The following PITPNC1 variants were observed in gnomAD, a reference collection of about 807,000 sequenced individuals.
PITPNC1 encodes phosphatidylinositol transfer protein cytoplasmic 1, also known as cytoplasmic phosphatidylinositol transfer protein 1.
Under a neutral mutation model 44.7 loss-of-function variants are expected in PITPNC1, and 18 were observed. That is an observed-to-expected ratio of 0.40 (90% CI 0.28 to 0.60). PITPNC1 has a LOEUF of 0.60. PITPNC1 is among the 20% of genes least tolerant of loss of function. The pLI, the probability that PITPNC1 is intolerant of heterozygous loss-of-function variation, is 0.39. For missense variants in PITPNC1, 290 were observed against 418.4 expected (o/e 0.69, Z 2.68); for synonymous variants, 141 against 149.6 (o/e 0.94, Z 0.42).
chr17:67,640,090 T>C (rs2706684), intron 6 of PITPNC1, among the ~76,000 whole-genome samples: 23,399 of 151,914 alleles, frequency 0.15, 2,465 homozygotes, highest in African/African-American at 0.29. Context: ...TTTTTTTTTT[T>C]CCCGTTTCCC....
At chr17:67,441,816 T>G (rs1188595310) in intron 1 of PITPNC1, among the ~76,000 whole-genome samples, 1 of 152,202 alleles carries the variant, frequency 6.6e-6, no homozygotes, top group Non-Finnish European at 1.5e-5. Flanking sequence ...AGAGGCTGTA[T>G]GAAGTAGGAA....
chr17:67,474,174 C>T (rs2039592589), intron 1 of PITPNC1, among the ~76,000 whole-genome samples: 1 of 151,954 alleles, frequency 6.6e-6, no homozygotes, highest in South Asian at 2.1e-4. Context: ...AGAAGGAGAT[C>T]CGGAGGTGGG....
At chr17:67,380,206 C>G (rs1236117414) in intron 1 of PITPNC1, among the ~76,000 whole-genome samples, 2 of 152,064 alleles carry the variant, frequency 1.3e-5, no homozygotes, top group African/African-American at 2.4e-5. Context: ...TCCTGAGTAG[C>G]TGAGATTACA....
At chr17:67,635,194 A>G (rs961825125) in intron 6 of PITPNC1, among the ~76,000 whole-genome samples, 2 of 152,244 alleles carry the variant, frequency 1.3e-5, no homozygotes, top group African/African-American at 4.8e-5. Flanking sequence ...TCAGGAGACC[A>G]CCAAGGTCAC....
chr17:67,659,468 A>G (rs559792982), intron 6 of PITPNC1, among the ~76,000 whole-genome samples: 1 of 152,276 alleles, frequency 6.6e-6, no homozygotes, highest in Non-Finnish European at 1.5e-5. Flanking sequence ...CTCTAAGGTA[A>G]TCAGCCTAGT....
intron 1 of PITPNC1, among the ~76,000 whole-genome samples, chr17:67,398,881 C>T (rs1197426839): frequency 1.3e-5 from 2 of 152,074 alleles, no homozygotes; most frequent in African/African-American, 4.8e-5. Context: ...TTGATTTTCG[C>T]TCAGCTCATG....
chr17:67,496,918 A>G (rs1458262545), intron 1 of PITPNC1, among the ~76,000 whole-genome samples: 2 of 152,130 alleles, frequency 1.3e-5, no homozygotes, highest in Non-Finnish European at 2.9e-5. Context: ...TAGTTTAAAA[A>G]AAAAAAAAAG....
intron 1 of PITPNC1, among the ~76,000 whole-genome samples, chr17:67,461,702 G>A (rs2039340487): frequency 6.6e-6 from 1 of 152,176 alleles, no homozygotes; most frequent in African/African-American, 2.4e-5. Flanking sequence ...CAAGAGGATC[G>A]CTTGAGAGCA....
intron 1 of PITPNC1, among the ~76,000 whole-genome samples, chr17:67,420,395 CCCTCCCTT>C (rs1321644341): frequency 0.011 from 1,444 of 134,832 alleles, 25 homozygotes; most frequent in African/African-American, 0.038. Context: ...CTCCCTCCCT[CCCTCCCTT>C]CCTTCCTTCC....
chr17:67,668,630 G>A (rs1053043906), intron 6 of PITPNC1, among the ~76,000 whole-genome samples: 1 of 152,082 alleles, frequency 6.6e-6, no homozygotes, highest in African/African-American at 2.4e-5. Flanking sequence ...TTGGGAGGCC[G>A]AGGCGGGCAG....
intron 1 of PITPNC1, among the ~76,000 whole-genome samples, chr17:67,407,264 A>G (rs1356432592): frequency 3.3e-5 from 5 of 152,236 alleles, no homozygotes; most frequent in Non-Finnish European, 7.3e-5. Flanking sequence ...ATGACTAATC[A>G]TGTTGGAAAT....
intron 1 of PITPNC1, among the ~76,000 whole-genome samples, chr17:67,436,593 G>A (rs970420849): frequency 3.9e-5 from 6 of 152,154 alleles, no homozygotes; most frequent in African/African-American, 1.4e-4. Context: ...TTTGGGATAT[G>A]TCCTTTTTGC....
At chr17:67,381,569 C>T (rs1157702920) in intron 1 of PITPNC1, among the ~76,000 whole-genome samples, 2 of 151,288 alleles carry the variant, frequency 1.3e-5, no homozygotes, top group Non-Finnish European at 2.9e-5. Flanking sequence ...CGGGTTCACG[C>T]GAGTCTCCTG....
intron 1 of PITPNC1, among the ~76,000 whole-genome samples, chr17:67,432,848 C>A (rs1308109696): frequency 6.6e-6 from 1 of 152,178 alleles, no homozygotes; most frequent in Non-Finnish European, 1.5e-5. Flanking sequence ...CAGCTTACCA[C>A]TGTTTATTGA....
At chr17:67,382,922 G>C (rs1387977299) in intron 1 of PITPNC1, among the ~76,000 whole-genome samples, 1 of 151,844 alleles carries the variant, frequency 6.6e-6, no homozygotes, top group African/African-American at 2.4e-5. Context: ...CACTGCCCCC[G>C]GATGATTCTA....
chr17:67,427,284 C>G (rs34162152), intron 1 of PITPNC1, among the ~76,000 whole-genome samples: 1 of 152,040 alleles, frequency 6.6e-6, no homozygotes, highest in Admixed American at 6.6e-5. Flanking sequence ...GATCTTGGCT[C>G]ACTGCAACCT....
At chr17:67,408,628 A>ATTTCC (rs1231781985) in intron 1 of PITPNC1, 4 of 120,120 alleles carry the variant, frequency 3.3e-5, no homozygotes, top group Non-Finnish European at 7.0e-5. Flanking sequence ...TTTCACTCTC[A>ATTTCC]TTTCCTTTCC....
intron 4 of PITPNC1, among the ~76,000 whole-genome samples, chr17:67,572,479 G>C (rs942802861): frequency 1.8e-5 from 2 of 114,090 alleles, no homozygotes; most frequent in African/African-American, 3.3e-5. Flanking sequence ...GGGGGGGGGG[G>C]GTAAAGAAGA....
rs1345722517 is a variant in PITPNC1, at chr17:67,508,870, G to A, written c.49-23932G>A. Among the ~76,000 whole-genome samples, 1 of 152,162 alleles carries A rather than the reference G, an allele frequency of 6.6e-6. No homozygotes were observed. Among genetic ancestry groups the A allele is most frequent in the Non-Finnish European group, 1.5e-5 (1 of 68,026 alleles). ...GCACAACATTGTGGTTGTACTTAAT[G>A]CACCAAACTGAATACTTAAAAATGG... On this transcript the variant is annotated intron_variant, in intron 1 of 8. Coordinates refer to ENST00000581322, the MANE Select transcript of PITPNC1 (RefSeq NM_012417.4). This position sits in a 1 kb window ranked among gnomAD's most constrained non-coding sequence, Gnocchi z 4.2.
Sources: allele counts gnomAD v4.1 joint callset (sites outside exome capture counted in the v4.1 genomes callset), GRCh38; gene constraint gnomAD v4.1.1; non-coding constraint Gnocchi (gnomAD v3.1); transcripts MANE v1.5; gene names NCBI Gene and HGNC (gene_info 2026-07-23, HGNC 2026-07-21).